PNKD: variants seen among roughly 807,000 people sequenced by gnomAD.
PNKD encodes probable thioesterase PNKD.
PNKD carries 36 observed loss-of-function variants against 45.3 expected under a neutral mutation model. The observed-to-expected ratio is 0.80, with a 90% CI of 0.61 to 1.05. The LOEUF is 1.05. PNKD is among the 50% of genes least tolerant of loss of function. The probability of loss-of-function intolerance (pLI) is 0.00; values close to 1 mark genes in which losing one functional copy is unlikely to be tolerated. For synonymous variants in PNKD, 197 were observed against 210.1 expected (o/e 0.94, Z 0.54); for missense variants, 511 against 506.6 (o/e 1.01, Z -0.08).
At chr2:218,329,171 T>G (rs1694244152) in intron 2 of PNKD, among the ~76,000 whole-genome samples, 1 of 152,100 alleles carries the variant, frequency 6.6e-6, no homozygotes, top group African/African-American at 2.4e-5. Flanking sequence ...ATCGCGCCAC[T>G]GCACTCCAGC....
intron 7 of PNKD, among the ~76,000 whole-genome samples, 190 bp from the exon 8 acceptor site, chr2:218,343,310 C>T (rs1213520693): frequency 6.6e-6 from 1 of 152,198 alleles, no homozygotes; most frequent in Non-Finnish European, 1.5e-5. Flanking sequence ...TGGGCTTGGT[C>T]AGGGGGTGAC....
chr2:218,279,253 G>A, intron 2 of PNKD: 1 of 1,562,946 alleles, frequency 6.4e-7, no homozygotes, highest in South Asian at 1.2e-5. Context: ...GAACCCCCAG[G>A]GCAGTAGGAG....
At position 218,339,872 on chromosome 2, in the gene PNKD, C is replaced by G; in HGVS notation, c.326C>G (p.Ser109Trp). ...CGGAATCGCTACCCTAAAGGCCACT[C>G]GAAAACCCAGCCCCGCCTCTTCAAT... is the stretch of plus-strand genomic sequence containing the variant. ...RARNRYPKGH[S>W]KTQPRLFNGV... The change falls in exon 3 of 10, where the codon TCG becomes TGG. Residue 109 changes from serine (S) to tryptophan (W), a missense_variant. Ser to Trp is a radical substitution (Grantham distance 177). Coordinates refer to ENST00000273077, the MANE Select transcript of PNKD (RefSeq NM_015488.5). 3 of 1,599,982 alleles carry G rather than the reference C, an allele frequency of 1.9e-6. No individual in the cohort carries two copies. The highest frequency in any genetic ancestry group is 1.7e-6 in the Non-Finnish European group (2 of 1,173,266).
intron 2 of PNKD, among the ~76,000 whole-genome samples, chr2:218,330,256 TGGGACAGAG>T (rs1694281461): frequency 6.6e-6 from 1 of 152,176 alleles, no homozygotes. Context: ...TGGGCCTAGC[TGGGACAGAG>T]GCTTGAAAAC....
chr2:218,280,053 C>G (rs1481115946), intron 2 of PNKD: 11 of 1,614,158 alleles, frequency 6.8e-6, no homozygotes, highest in Non-Finnish European at 7.6e-6. Flanking sequence ...GTCGCACTTT[C>G]CGGTCATCCC....
At chr2:218,276,116 C>T in intron 2 of PNKD, 1 of 1,605,242 alleles carries the variant, frequency 6.2e-7, no homozygotes, top group Non-Finnish European at 8.5e-7. Context: ...CATTAGAAAC[C>T]TCAGCAAACC....
chr2:218,339,803 C>A lies in PNKD; in HGVS notation c.257C>A (p.Thr86Asn). The change falls in exon 3 of 10, where the codon ACC becomes AAC. Residue 86 changes from threonine (T) to asparagine (N), a missense_variant. Coordinates refer to ENST00000273077, the MANE Select transcript of PNKD (RefSeq NM_015488.5). ...GLAWYSLYTR[T>N]WLGYLFYRQQ... Reference sequence around the variant, plus strand: ...TCTAGGTACAGCCTGTACACCCGCACCTGGCTCGGGTACCTCTTCTACCGA... The same window carrying A: ...TCTAGGTACAGCCTGTACACCCGCAACTGGCTCGGGTACCTCTTCTACCGA... 1 of 1,613,626 alleles carries A rather than the reference C, an allele frequency of 6.2e-7. No individual in the cohort carries two copies. The highest frequency in any genetic ancestry group is 8.5e-7 in the Non-Finnish European group (1 of 1,179,666).
chr2:218,341,911 C>T, intron 6 of PNKD, 70 bp from the exon 7 acceptor site: 1 of 1,311,514 alleles, frequency 7.6e-7, no homozygotes. Context: ...CCCCTTGGGC[C>T]TGGGATGGGG....
Position 218,280,315 on chromosome 2 carries a change from G to A in PNKD, c.236+8766G>A, listed in dbSNP as rs915014259. 10 of 551,706 alleles carry A rather than the reference G, an allele frequency of 1.8e-5. No homozygotes were observed. The African/African-American group carries it at 1.9e-4, about 11-fold the overall frequency. 34.2% of individuals were successfully genotyped at this position (551,706 alleles called of 1,614,324 possible). On this transcript the variant is annotated intron_variant, in intron 2 of 9. Coordinates refer to ENST00000273077, the MANE Select transcript of PNKD (RefSeq NM_015488.5). Reference sequence around the variant, plus strand: ...GACCCAGAGCCGGCCTGTCACGAGGGGGCTTAGGTGGGAAACGTTCCTCAC... The same window carrying A: ...GACCCAGAGCCGGCCTGTCACGAGGAGGCTTAGGTGGGAAACGTTCCTCAC...
chr2:218,279,300 G>A (rs1691602568), intron 2 of PNKD: 1 of 1,586,752 alleles, frequency 6.3e-7, no homozygotes, highest in East Asian at 2.2e-5. Context: ...CAAAGGTGAA[G>A]ATAGCAATGA....
chr2:218,322,048 G>T (rs1050656708), intron 2 of PNKD, among the ~76,000 whole-genome samples: 2 of 148,614 alleles, frequency 1.3e-5, no homozygotes, highest in Admixed American at 6.9e-5. Flanking sequence ...TCAGCCTCCC[G>T]AGTAGCTAGG....
At chr2:218,305,511 C>CTT (rs1235737471) in intron 2 of PNKD, among the ~76,000 whole-genome samples, 1 of 150,500 alleles carries the variant, frequency 6.6e-6, no homozygotes, top group African/African-American at 2.4e-5. Context: ...CCATGTCTGG[C>CTT]TATTTTTTTT....
chr2:218,344,450 G>C lies in PNKD; in HGVS notation c.869-5G>C. The C allele has an allele frequency of 1.9e-6, 3 of 1,555,774 alleles. No homozygotes were observed. In the South Asian group the frequency reaches 3.5e-5, roughly 18 times the overall value. ...TCTGTGTCTCACCCTCATGGCTGTC[G>C]GTAGGTCATGAGTATGCAGAGGAGA... On this transcript the variant is annotated splice_polypyrimidine_tract_variant and splice_region_variant and intron_variant, in intron 8 of 9. Coordinates refer to ENST00000273077, the MANE Select transcript of PNKD (RefSeq NM_015488.5).
At position 218,280,263 on chromosome 2, in the gene PNKD, C is replaced by G. The variant is rs1174241187; in HGVS notation, c.236+8714C>G. ...TTATAACAGGAACTCTTCTCCCAAG[C>G]TGGGGTCTTCTAGACACCCTCAGAG... On this transcript the variant is annotated intron_variant, in intron 2 of 9. Coordinates refer to ENST00000273077, the MANE Select transcript of PNKD (RefSeq NM_015488.5). 6.0e-6 allele frequency: 4 copies of G among 669,530 alleles called. No homozygotes were observed. The East Asian group carries it at 8.3e-5, about 14-fold the overall frequency. The allele number at this position is 669,530 out of a possible 1,614,324, so 41.5% of individuals were successfully genotyped here. A position where few individuals can be genotyped will look rare whatever the true frequency, so the allele number is the denominator to read the frequency against.
intron 2 of PNKD, chr2:218,287,083 G>C (rs571649816): frequency 1.3e-5 from 2 of 152,286 alleles, no homozygotes; most frequent in African/African-American, 4.8e-5. Context: ...GCCTGATTCT[G>C]CACCAAGGGG....
At chr2:218,333,820 A>C (rs997454743) in intron 2 of PNKD, among the ~76,000 whole-genome samples, 3 of 151,494 alleles carry the variant, frequency 2.0e-5, no homozygotes, top group Non-Finnish European at 2.9e-5. Context: ...TTATTTTTTA[A>C]CTTTTCATTT....
chr2:218,325,970 T>C (rs1028351684), intron 2 of PNKD, among the ~76,000 whole-genome samples: 2 of 151,222 alleles, frequency 1.3e-5, no homozygotes, highest in Non-Finnish European at 2.9e-5. Flanking sequence ...GAGATGCTGC[T>C]GGCTGCTGGG....
In PNKD at chr2:218,340,018, T is replaced by A; in HGVS notation, c.353-11T>A. On this transcript the variant is annotated splice_polypyrimidine_tract_variant and intron_variant, in intron 3 of 9. Transcript: ENST00000273077. The surrounding 1 kb of genome is among the most constrained non-coding windows in gnomAD (Gnocchi z 4.2). ...CCTGTTACCCCGCCCACAGCCCATC[T>A]CTGTCCCCAGGAGTGAAGGTGCTTC... 1 of 1,591,782 alleles carries A rather than the reference T, an allele frequency of 6.3e-7. No homozygotes were observed. The highest frequency in any genetic ancestry group is 8.6e-7 in the Non-Finnish European group (1 of 1,159,934).
chr2:218,341,913 G>T, intron 6 of PNKD, 68 bp from the exon 7 acceptor site: 2 of 1,326,844 alleles, frequency 1.5e-6, no homozygotes, highest in East Asian at 4.6e-5. Flanking sequence ...CCTTGGGCCT[G>T]GGATGGGGAC....
Sources: allele counts gnomAD v4.1 joint callset (sites outside exome capture counted in the v4.1 genomes callset), GRCh38; gene constraint gnomAD v4.1.1; non-coding constraint Gnocchi (gnomAD v3.1); transcripts MANE v1.5; gene names NCBI Gene and HGNC (gene_info 2026-07-23, HGNC 2026-07-21).